Variants in NDUFS4 observed in about 807,000 individuals in gnomAD.
The protein encoded by NDUFS4 is NADH dehydrogenase [ubiquinone] iron-sulfur protein 4, mitochondrial.
Under a neutral mutation model 24.3 loss-of-function variants are expected in NDUFS4, and 28 were observed. The ratio of observed to expected loss-of-function variants is 1.15; its 90% CI spans 0.85 to 1.58. NDUFS4 has a LOEUF of 1.58. NDUFS4 is among the 40% of genes most tolerant of loss of function. The probability of loss-of-function intolerance (pLI) is 0.00; values close to 1 mark genes in which losing one functional copy is unlikely to be tolerated. For missense variants in NDUFS4, 223 were observed against 207.9 expected (o/e 1.07, Z -0.45); for synonymous variants, 93 against 69.7 (o/e 1.34, Z -1.67).
chr5:53,563,868 CT>C (rs1049721019), intron 1 of NDUFS4, among the ~76,000 whole-genome samples: 66 of 152,186 alleles, frequency 4.3e-4, no homozygotes, highest in Non-Finnish European at 3.1e-4. Flanking sequence ...GTAAATTTAA[CT>C]ATTCTAAATG....
At chr5:53,601,739 C>G (rs970579162) in intron 1 of NDUFS4, among the ~76,000 whole-genome samples, 3 of 152,190 alleles carry the variant, frequency 2.0e-5, no homozygotes, top group Non-Finnish European at 4.4e-5. Context: ...TGCCGTCCAG[C>G]TCTGTCTCAC....
rs780602304 is a variant in NDUFS4, at chr5:53,560,803, T to C, written c.98+43T>C. 6.2e-6 allele frequency: 10 copies of C among 1,612,850 alleles called. No individual in the cohort carries two copies. The African/African-American group carries it at 1.1e-4, about 17-fold the overall frequency. Reference sequence around the variant, plus strand: ...CTTTTCTTCAAGCTTCTTGGGTCCCTCCATTTTTGCGGAGTCTCTGCTGGC... The same window carrying C: ...CTTTTCTTCAAGCTTCTTGGGTCCCCCCATTTTTGCGGAGTCTCTGCTGGC... On this transcript the variant is annotated intron_variant, in intron 1 of 4. Coordinates refer to ENST00000296684, the MANE Select transcript of NDUFS4 (RefSeq NM_002495.4).
At chr5:53,605,136 G>A (rs150994611) in intron 2 of NDUFS4, among the ~76,000 whole-genome samples, 6 of 152,226 alleles carry the variant, frequency 3.9e-5, no homozygotes, top group South Asian at 2.1e-4. Context: ...CAGGAGAATC[G>A]CTTGAACCTG....
chr5:53,670,006 G>A (rs1752619980), intron 4 of NDUFS4, among the ~76,000 whole-genome samples: 1 of 152,038 alleles, frequency 6.6e-6, no homozygotes, highest in Admixed American at 6.6e-5. Flanking sequence ...TAGTGTGTTT[G>A]TAAAATAAAA....
At chr5:53,572,463 A>G (rs997755826) in intron 1 of NDUFS4, among the ~76,000 whole-genome samples, 10 of 152,086 alleles carry the variant, frequency 6.6e-5, no homozygotes, top group Non-Finnish European at 1.2e-4. Flanking sequence ...GTAATTTTCA[A>G]ATATTTTCTT....
At chr5:53,596,868 A>C (rs999145388) in intron 1 of NDUFS4, among the ~76,000 whole-genome samples, 5 of 152,210 alleles carry the variant, frequency 3.3e-5, no homozygotes, top group African/African-American at 1.2e-4. Context: ...TTTGTCTAAA[A>C]GTCCAACACA....
chr5:53,655,078 A>T (rs1022213548), intron 3 of NDUFS4, among the ~76,000 whole-genome samples: 1 of 152,228 alleles, frequency 6.6e-6, no homozygotes, highest in Non-Finnish European at 1.5e-5. Flanking sequence ...TGGAGGAAAA[A>T]TATCTAAAAT....
intron 2 of NDUFS4, among the ~76,000 whole-genome samples, chr5:53,626,883 T>G (rs1751245237): frequency 6.6e-6 from 1 of 152,256 alleles, no homozygotes; most frequent in Admixed American, 6.5e-5. Context: ...GCTGTTTAGT[T>G]TAATTAGATC....
At chr5:53,607,517 A>G (rs966924337) in intron 2 of NDUFS4, among the ~76,000 whole-genome samples, 1 of 152,202 alleles carries the variant, frequency 6.6e-6, no homozygotes, top group Non-Finnish European at 1.5e-5. Context: ...TGGGATTGGT[A>G]ATGACACTAA....
intron 2 of NDUFS4, among the ~76,000 whole-genome samples, chr5:53,632,750 C>A (rs1751442858): frequency 6.6e-6 from 1 of 152,070 alleles, no homozygotes; most frequent in African/African-American, 2.4e-5. Flanking sequence ...TTGTCCAATA[C>A]CTGAAAACAG....
At chr5:53,644,433 TATA>T (rs1467855714) in intron 2 of NDUFS4, among the ~76,000 whole-genome samples, 1 of 152,102 alleles carries the variant, frequency 6.6e-6, no homozygotes, top group Non-Finnish European at 1.5e-5. Flanking sequence ...TCTAAAGATA[TATA>T]ATATTAAATA....
intron 4 of NDUFS4, among the ~76,000 whole-genome samples, chr5:53,660,924 C>T (rs1367491497): frequency 2.0e-5 from 3 of 152,132 alleles, no homozygotes; most frequent in Non-Finnish European, 2.9e-5. Context: ...GACCAGATTG[C>T]AAAAATTTTC....
At chr5:53,651,994 C>T (rs940628587) in intron 3 of NDUFS4, among the ~76,000 whole-genome samples, 3 of 152,100 alleles carry the variant, frequency 2.0e-5, no homozygotes, top group Non-Finnish European at 2.9e-5. Context: ...AGGATGGTCT[C>T]GATCTCTTGA....
chr5:53,563,797 C>T (rs1490404155), intron 1 of NDUFS4, among the ~76,000 whole-genome samples: 1 of 152,228 alleles, frequency 6.6e-6, no homozygotes, highest in Non-Finnish European at 1.5e-5. Context: ...CCACCGCGCC[C>T]ATCCCTAAGT....
chr5:53,660,739 TC>T (rs1192212200), intron 4 of NDUFS4, among the ~76,000 whole-genome samples: 1 of 152,234 alleles, frequency 6.6e-6, no homozygotes, highest in East Asian at 1.9e-4. Context: ...TTTGCATTTC[TC>T]TGATGGCCAG....
rs558114146 is a variant in NDUFS4 at position 53,617,862 on chromosome 5, T to A, written c.177+14332T>A. 5.8e-4 allele frequency among the ~76,000 whole-genome samples: 88 copies of A among 152,360 alleles called. 1 individual carries two copies. Among genetic ancestry groups the A allele is most frequent in the Non-Finnish European group, 9.7e-4 (66 of 68,036 alleles). On this transcript the variant is annotated intron_variant, in intron 2 of 4. Coordinates refer to ENST00000296684, the MANE Select transcript of NDUFS4 (RefSeq NM_002495.4). Reference sequence around the variant, plus strand: ...AAATATAGCCTTAGATCTTTAGTCATCTCTTCTTTTAGCTGTATAACCTGA... The same window carrying A: ...AAATATAGCCTTAGATCTTTAGTCAACTCTTCTTTTAGCTGTATAACCTGA...
intron 1 of NDUFS4, among the ~76,000 whole-genome samples, chr5:53,563,189 A>G (rs963450568): frequency 1.3e-5 from 2 of 150,566 alleles, no homozygotes; most frequent in Non-Finnish European, 3.0e-5. Flanking sequence ...AGATCGCGCC[A>G]CTGCACTCCA....
At chr5:53,680,748 T>A (rs1174214394) in intron 4 of NDUFS4, among the ~76,000 whole-genome samples, 1 of 152,026 alleles carries the variant, frequency 6.6e-6, no homozygotes, top group African/African-American at 2.4e-5. Context: ...TAATACTAAA[T>A]GATGAGTTAA....
chr5:53,632,155 G>T (rs972321284), intron 2 of NDUFS4, among the ~76,000 whole-genome samples: 3 of 152,156 alleles, frequency 2.0e-5, no homozygotes, highest in Admixed American at 6.5e-5. Context: ...GTTCCTATTT[G>T]GCCATCTTGC....
Sources: gnomAD v4.1 joint callset for allele counts (sites outside exome capture counted in the v4.1 genomes callset) on GRCh38, gnomAD v4.1.1 for gene constraint, MANE v1.5 for transcripts, NCBI Gene and HGNC (gene_info 2026-07-23, HGNC 2026-07-21) for gene names.